Variants in TRPM7 observed in about 807,000 individuals in gnomAD.
The protein encoded by TRPM7 is transient receptor potential cation channel subfamily M member 7, also known as LTRPC ion channel family member 7.
In TRPM7, 134 loss-of-function variants were observed where a neutral mutation model predicts 229.7. The observed-to-expected ratio is 0.58, with a 90% CI of 0.51 to 0.67. TRPM7 has a LOEUF of 0.67. TRPM7 is among the 30% of genes least tolerant of loss of function. TRPM7 has a pLI of 0.00. For synonymous variants in TRPM7, 699 were observed against 715.2 expected, an observed-to-expected ratio of 0.98 and a Z score of 0.36; for missense variants, 1,901 against 2,210.0, an observed-to-expected ratio of 0.86 and a Z score of 2.80.
intron 29 of TRPM7, 22 bp from the exon 30 acceptor site, chr15:50,580,930 C>T: frequency 6.4e-7 from 1 of 1,570,758 alleles, no homozygotes; most frequent in Non-Finnish European, 8.6e-7. Flanking sequence ...AAAAAACACA[C>T]ACACACAAAA....
Position 50,578,636 on chromosome 15 carries a change from C to A in TRPM7, c.4618+3G>T. 1 of 1,610,140 alleles carries A rather than the reference C, an allele frequency of 6.2e-7. No homozygotes were observed. Among genetic ancestry groups the A allele is most frequent in the African/African-American group, 1.3e-5 (1 of 74,920 alleles). On this transcript the variant is annotated splice_donor_region_variant and intron_variant, in intron 31 of 38. Transcript: ENST00000646667. ...TCACGTTCAATCTACCACACAGACT[C>A]ACCATTTAATGTTCCTTCTTCAGAT...
chr15:50,594,454 C>T lies in TRPM7; in HGVS notation c.3450G>A (p.Lys1150=), dbSNP rs2059585711. ...SLFCCICKRR[K]KDKTSDGPKL... ...TTGGTCCATCGGAAGTCTTATCTTT[C>T]TTTCTTCTCTTACATATGCAGCAAA... The change falls in exon 24 of 39, where the codon AAG becomes AAA. Residue 1150 remains lysine, a synonymous_variant. Transcript: ENST00000646667. The T allele has an allele frequency of 6.2e-7, 1 of 1,611,278 alleles. No individual in the cohort carries two copies. Among genetic ancestry groups the T allele is most frequent in the Non-Finnish European group, 8.5e-7 (1 of 1,179,256 alleles).
chr15:50,613,296 G>A (rs1420919466), intron 15 of TRPM7, among the ~76,000 whole-genome samples: 1 of 152,252 alleles, frequency 6.6e-6, no homozygotes, highest in East Asian at 1.9e-4. Context: ...GAGGTCAAGA[G>A]ATCGAGACCA....
intron 11 of TRPM7, among the ~76,000 whole-genome samples, chr15:50,624,621 G>A (rs1312866958): frequency 6.6e-6 from 1 of 152,296 alleles, no homozygotes; most frequent in East Asian, 1.9e-4. Flanking sequence ...TGCTCTCAGT[G>A]TTTAGGGAAG....
intron 28 of TRPM7, 29 bp from the exon 29 acceptor site, chr15:50,583,188 G>C (rs770720000): frequency 6.5e-7 from 1 of 1,534,058 alleles, no homozygotes; most frequent in East Asian, 2.3e-5. Flanking sequence ...ATATAAAAAA[G>C]CTACACAACT....
At chr15:50,649,510 A>G (rs1388753727) in intron 3 of TRPM7, among the ~76,000 whole-genome samples, 1 of 152,184 alleles carries the variant, frequency 6.6e-6, no homozygotes, top group Non-Finnish European at 1.5e-5. Flanking sequence ...AACCACTAAT[A>G]ATACTACAGA....
chr15:50,605,692 T>G (rs193275938), intron 20 of TRPM7, among the ~76,000 whole-genome samples: 1 of 152,232 alleles, frequency 6.6e-6, no homozygotes, highest in Non-Finnish European at 1.5e-5. Flanking sequence ...CCTTAGCCAA[T>G]TAATTACTCT....
chr15:50,648,926 T>TA, intron 3 of TRPM7, 41 bp from the exon 4 acceptor site: 1 of 1,502,446 alleles, frequency 6.7e-7, no homozygotes, highest in South Asian at 1.3e-5. Context: ...TTCAAAAAAT[T>TA]AGAGTTAATG....
chr15:50,575,522 T>C (rs373316203), intron 33 of TRPM7, among the ~76,000 whole-genome samples: 3 of 152,366 alleles, frequency 2.0e-5, no homozygotes, highest in East Asian at 1.9e-4. Flanking sequence ...CTTCTGAATA[T>C]GCCAGTAATG....
At chr15:50,653,671 G>A (rs1187193723) in intron 3 of TRPM7, among the ~76,000 whole-genome samples, 2 of 152,070 alleles carry the variant, frequency 1.3e-5, no homozygotes, top group East Asian at 3.9e-4. Context: ...GGCCAAGCAA[G>A]GAAGTAGAGA....
At chr15:50,661,689 T>C (rs1034965890) in intron 2 of TRPM7, among the ~76,000 whole-genome samples, 10 of 152,222 alleles carry the variant, frequency 6.6e-5, no homozygotes, top group African/African-American at 1.9e-4. Context: ...TATTTAGCTA[T>C]GTTTTTCTAA....
chr15:50,671,466 G>A (rs762261707), intron 1 of TRPM7, among the ~76,000 whole-genome samples: 22 of 152,050 alleles, frequency 1.4e-4, no homozygotes, highest in Non-Finnish European at 2.4e-4. Flanking sequence ...ATGATGGACC[G>A]CATATTTAAC....
Position 50,561,697 on chromosome 15 carries a change from G to A in TRPM7, c.5579C>T (p.Ser1860Phe). The change falls in exon 39 of 39, where the codon TCT becomes TTT. Residue 1860 changes from serine to phenylalanine, a missense_variant. Physicochemically the swap from Ser to Phe is radical, Grantham distance 155. This residue lies in a region of TRPM7 where 257 missense variants were observed against 352.0 expected (regional missense o/e 0.73). Coordinates refer to ENST00000646667, the MANE Select transcript of TRPM7 (RefSeq NM_017672.6). ...TTAATATTATAACATCAGACGAACA[G>A]AATTAGTTGATTCTGATTCTTTGGT... ...NSTKESESTN[S>F]VRLML 6.2e-7 allele frequency: 1 copy of A among 1,611,002 alleles called. No individual in the cohort carries two copies.
intron 38 of TRPM7, among the ~76,000 whole-genome samples, chr15:50,565,089 C>A (rs549560751): frequency 6.6e-6 from 1 of 151,980 alleles, no homozygotes; most frequent in East Asian, 1.9e-4. Context: ...TCAAGCAATT[C>A]GCCTGCCTCA....
intron 8 of TRPM7, 144 bp downstream of exon 8, chr15:50,634,238 T>C (rs2060820487): frequency 5.8e-6 from 3 of 521,566 alleles, no homozygotes; most frequent in Non-Finnish European, 9.0e-6. Flanking sequence ...GGAAAATCGC[T>C]TGAACCTGGG....
At position 50,668,128 on chromosome 15, in the gene TRPM7, G is replaced by A. The variant is rs142729842; in HGVS notation, c.4-5082C>T. On this transcript the variant is annotated intron_variant, in intron 1 of 38. Coordinates refer to ENST00000646667, the MANE Select transcript of TRPM7 (RefSeq NM_017672.6). ...GTCATGTTTTGATCCTCTTCGAAAG[G>A]TGGTTTATAATCAGCTATAGGACTT... 6.7e-4 allele frequency among the ~76,000 whole-genome samples: 102 copies of A among 152,286 alleles called. No homozygotes were observed. The East Asian group carries it at 0.014, about 22-fold the overall frequency.
chr15:50,671,524 C>T (rs910772973), intron 1 of TRPM7, among the ~76,000 whole-genome samples: 3 of 152,120 alleles, frequency 2.0e-5, no homozygotes, highest in African/African-American at 7.2e-5. Context: ...CTATTGCAGG[C>T]TGGGTGCAAT....
At chr15:50,588,038 C>A (rs1383415538) in intron 27 of TRPM7, among the ~76,000 whole-genome samples, 1 of 152,078 alleles carries the variant, frequency 6.6e-6, no homozygotes, top group African/African-American at 2.4e-5. Context: ...AGCTCTCAGT[C>A]TAAATATGCC....
At chr15:50,643,226 T>C in intron 5 of TRPM7, 114 bp downstream of exon 5, 3 of 799,870 alleles carry the variant, frequency 3.8e-6, no homozygotes, top group Non-Finnish European at 6.0e-6. Flanking sequence ...GAGGCAGAGG[T>C]TGCAGTGAGC....
Sources: gnomAD v4.1 joint callset for allele counts (sites outside exome capture counted in the v4.1 genomes callset) on GRCh38, gnomAD v4.1.1 for gene constraint, gnomAD v4.1.1 regional missense constraint, MANE v1.5 for transcripts, NCBI Gene and HGNC (gene_info 2026-07-23, HGNC 2026-07-21) for gene names.